The following DNAH6 variants were observed in gnomAD, a reference collection of about 807,000 sequenced individuals.
The protein encoded by DNAH6 is dynein axonemal heavy chain 6, also known as axonemal beta dynein heavy chain 6.
A neutral mutation model predicts 491.4 loss-of-function variants in DNAH6; 340 were observed. The observed-to-expected ratio is 0.69, with a 90% CI of 0.63 to 0.76. The LOEUF (loss-of-function observed/expected upper bound fraction) is 0.76. Ranked by LOEUF, DNAH6 falls within the 30% of genes least tolerant of loss-of-function variation. The pLI, the probability that DNAH6 is intolerant of heterozygous loss-of-function variation, is 0.00. For synonymous variants in DNAH6, 1,603 were observed against 1,686.1 expected, an observed-to-expected ratio of 0.95 and a Z score of 1.21; for missense variants, 4,443 against 4,972.2, an observed-to-expected ratio of 0.89 and a Z score of 3.20.
intron 11 of DNAH6, among the ~76,000 whole-genome samples, chr2:84,565,835 T>C (rs532193451): frequency 3.3e-5 from 5 of 152,172 alleles, no homozygotes; most frequent in African/African-American, 1.2e-4. Flanking sequence ...GTACCCTTTA[T>C]CATTATGTAA....
chr2:84,522,978 C>A (rs1676287812), intron 2 of DNAH6, among the ~76,000 whole-genome samples: 1 of 152,102 alleles, frequency 6.6e-6, no homozygotes, highest in African/African-American at 2.4e-5. Flanking sequence ...ATGCTGGCCT[C>A]ATAAAATGAG....
intron 63 of DNAH6, among the ~76,000 whole-genome samples, chr2:84,747,902 C>A (rs1673118852): frequency 6.6e-6 from 1 of 152,172 alleles, no homozygotes; most frequent in South Asian, 2.1e-4. Flanking sequence ...ATGGATTTTG[C>A]CCTCCAGAAT....
Position 84,584,152 on chromosome 2 carries a change from G to A in DNAH6, c.2383G>A (p.Gly795Ser), listed in dbSNP as rs1370997993. ...AVRNAIDKSV[G>S]DRESSIKQFC... is the part of the protein sequence containing the mutation. ...TCGGAATGCCATTGATAAATCAGTG[G>A]GTGATAGAGAATCAAGCATTAAGCA... Residue 795 changes from glycine to serine, a missense_variant, in exon 15 of 77, where the codon GGT becomes AGT. Physicochemically the swap from Gly to Ser is moderately conservative, Grantham distance 56 (BLOSUM62 0). Transcript: ENST00000389394. The A allele has an allele frequency of 2.5e-6, 4 of 1,614,074 alleles. No individual in the cohort carries two copies. Among genetic ancestry groups the A allele is most frequent in the African/African-American group, 2.7e-5 (2 of 75,006 alleles).
intron 64 of DNAH6, among the ~76,000 whole-genome samples, chr2:84,776,760 T>G (rs1291873139): frequency 6.6e-6 from 1 of 152,194 alleles, no homozygotes; most frequent in African/African-American, 2.4e-5. Flanking sequence ...ACCCAAAGGA[T>G]TATAAATCAT....
At chr2:84,588,802 C>A (rs1392182543) in intron 15 of DNAH6, 24 bp from the exon 16 acceptor site, 5 of 1,503,440 alleles carry the variant, frequency 3.3e-6, no homozygotes, top group Middle Eastern at 3.5e-4. Flanking sequence ...GAATGGCTAA[C>A]CAAAAACTGT....
chr2:84,587,641 A>C (rs531729179), intron 15 of DNAH6, among the ~76,000 whole-genome samples: 26 of 152,276 alleles, frequency 1.7e-4, no homozygotes, highest in Non-Finnish European at 3.1e-4. Context: ...ATTAATGATA[A>C]TTTATTTCAG....
chr2:84,517,353 A>G (rs1362259305), intron 1 of DNAH6, among the ~76,000 whole-genome samples: 1 of 152,206 alleles, frequency 6.6e-6, no homozygotes, highest in Non-Finnish European at 1.5e-5. Flanking sequence ...TGTGTAAGAA[A>G]TTAGCCCTCA....
At chr2:84,700,771 C>T (rs539515337) in intron 48 of DNAH6, among the ~76,000 whole-genome samples, 25 of 152,254 alleles carry the variant, frequency 1.6e-4, no homozygotes, top group Admixed American at 2.6e-4. Context: ...AGAGTGAGGA[C>T]GTAAGGTCCC....
chr2:84,559,750 C>T lies in DNAH6; in HGVS notation c.1803+1815C>T, dbSNP rs74731269. Among the ~76,000 whole-genome samples the T allele has an allele frequency of 8.8e-3, 1,334 of 152,168 alleles. 13 individuals are homozygous for T. The highest frequency in any genetic ancestry group is 0.017 in the Middle Eastern group (5 of 294). Reference sequence around the variant, plus strand: ...TAACAGCCATGAAGCAAAAACAACACTACACACTGAAGTAAATATTCTCAA... The same window carrying T: ...TAACAGCCATGAAGCAAAAACAACATTACACACTGAAGTAAATATTCTCAA... On this transcript the variant is annotated intron_variant, in intron 11 of 76. Coordinates refer to ENST00000389394, the MANE Select transcript of DNAH6 (RefSeq NM_001370.2).
chr2:84,732,226 T>G (rs137900370), intron 61 of DNAH6, among the ~76,000 whole-genome samples: 146 of 152,188 alleles, frequency 9.6e-4, no homozygotes, highest in African/African-American at 3.4e-3. Flanking sequence ...GATTCCTTAT[T>G]CAAGACGCCT....
intron 11 of DNAH6, among the ~76,000 whole-genome samples, chr2:84,568,370 C>T (rs754044051): frequency 3.4e-4 from 51 of 152,184 alleles, no homozygotes; most frequent in Admixed American, 2.9e-3. Context: ...ATATATATAC[C>T]GTGGAATACT....
At position 84,707,732 on chromosome 2, in the gene DNAH6, T is replaced by G; in HGVS notation, c.9048+16T>G. On this transcript the variant is annotated intron_variant, in intron 54 of 76. Coordinates refer to ENST00000389394, the MANE Select transcript of DNAH6 (RefSeq NM_001370.2). ...CAGGCAGTCAGTGAGTAACCCTGCTTTCTGTAAGGAGGGGTAAGAAGCAGC... is the reference window on the plus strand; with the variant it reads ...CAGGCAGTCAGTGAGTAACCCTGCTGTCTGTAAGGAGGGGTAAGAAGCAGC... 6.5e-7 allele frequency: 1 copy of G among 1,547,262 alleles called. No individual in the cohort carries two copies.
chr2:84,745,903 G>A (rs1477944524), intron 63 of DNAH6, among the ~76,000 whole-genome samples: 2 of 152,084 alleles, frequency 1.3e-5, no homozygotes, highest in Non-Finnish European at 2.9e-5. Context: ...AGGGTACAAA[G>A]CCATAGTTAC....
chr2:84,722,965 C>T (rs1698305135), intron 60 of DNAH6, among the ~76,000 whole-genome samples, 161 bp downstream of exon 60: 5 of 152,178 alleles, frequency 3.3e-5, no homozygotes, highest in Admixed American at 3.3e-4. Flanking sequence ...TGGTGGCTCA[C>T]ACCTGTAATC....
At chr2:84,579,462 T>C in intron 13 of DNAH6, 65 bp from the exon 14 acceptor site, 1 of 1,549,692 alleles carries the variant, frequency 6.5e-7, no homozygotes. Context: ...TTAGGATTTG[T>C]CTGAAATACA....
chr2:84,789,914 T>TA (rs1677584573), intron 68 of DNAH6, among the ~76,000 whole-genome samples: 1 of 152,132 alleles, frequency 6.6e-6, no homozygotes, highest in African/African-American at 2.4e-5. Context: ...TCGGTTAATA[T>TA]AAAAAAAGAC....
At chr2:84,517,783 C>T in intron 1 of DNAH6, 36 bp from the exon 2 acceptor site, 2 of 1,491,956 alleles carry the variant, frequency 1.3e-6, no homozygotes, top group South Asian at 1.2e-5. Flanking sequence ...TTTTGATCTA[C>T]TTTTCATTTT....
rs1039061767 is a variant in DNAH6 at position 84,686,695 on chromosome 2, C to A, written c.7137+138C>A. 8.9e-6 allele frequency: 5 copies of A among 560,068 alleles called. No homozygotes were observed. The South Asian group carries it at 1.3e-4, about 15-fold the overall frequency. The allele number at this position is 560,068 out of a possible 1,614,324, so 34.7% of individuals were successfully genotyped here. ...GGCCAGATGTCAGCAAACTATGGCC[C>A]ATGAGCCACATCTGCCTGCTGCCTA... On this transcript the variant is annotated intron_variant, in intron 44 of 76. Coordinates refer to ENST00000389394, the MANE Select transcript of DNAH6 (RefSeq NM_001370.2).
intron 68 of DNAH6, among the ~76,000 whole-genome samples, 185 bp downstream of exon 68, chr2:84,787,487 C>T (rs890861752): frequency 1.3e-5 from 2 of 151,216 alleles, no homozygotes; most frequent in African/African-American, 4.9e-5. Flanking sequence ...TGAGAATATT[C>T]ACACACAGAA....
Sources: gnomAD v4.1 joint callset for allele counts (sites outside exome capture counted in the v4.1 genomes callset) on GRCh38, gnomAD v4.1.1 for gene constraint, MANE v1.5 for transcripts, NCBI Gene and HGNC (gene_info 2026-07-23, HGNC 2026-07-21) for gene names.